The following ZFHX3 variants were observed in gnomAD, a reference collection of about 807,000 sequenced individuals.
The protein encoded by ZFHX3 is zinc finger homeobox 3.
In ZFHX3, 42 loss-of-function variants were observed where a neutral mutation model predicts 279.1. The observed-to-expected ratio is 0.15, with a 90% CI of 0.12 to 0.19. The LOEUF is 0.19. ZFHX3 is among the 10% of genes least tolerant of loss of function. The pLI is 1.00. For missense variants in ZFHX3, 4,981 were observed against 4,754.0 expected, an observed-to-expected ratio of 1.05 and a Z score of -1.40; for synonymous variants, 2,293 against 1,957.8, an observed-to-expected ratio of 1.17 and a Z score of -4.52.
intron 4 of ZFHX3, among the ~76,000 whole-genome samples, chr16:73,266,672 A>C (rs948838649): frequency 5.3e-5 from 8 of 152,166 alleles, no homozygotes; most frequent in African/African-American, 9.7e-5. Context: ...ATGTCATAGG[A>C]GGGAACTGGT....
intron 5 of ZFHX3, among the ~76,000 whole-genome samples, chr16:73,185,884 C>A (rs540256267): frequency 1.3e-5 from 2 of 152,254 alleles, no homozygotes; most frequent in African/African-American, 2.4e-5. Flanking sequence ...GTGGTGCGCA[C>A]GCAAGTGAAG....
intron 7 of ZFHX3, among the ~76,000 whole-genome samples, chr16:73,115,771 G>A (rs1966425033): frequency 6.6e-6 from 1 of 152,164 alleles, no homozygotes; most frequent in African/African-American, 2.4e-5. Context: ...ACTTGTTCAA[G>A]TTCACATTGT....
chr16:72,901,209 G>A (rs889543335), intron 3 of ZFHX3, among the ~76,000 whole-genome samples: 1 of 152,156 alleles, frequency 6.6e-6, no homozygotes, highest in Non-Finnish European at 1.5e-5. Context: ...CCCTTGCTCT[G>A]CAGCCCGCTG....
At chr16:73,585,280 G>A (rs1278237899) in intron 2 of ZFHX3, among the ~76,000 whole-genome samples, 1 of 152,230 alleles carries the variant, frequency 6.6e-6, no homozygotes, top group Non-Finnish European at 1.5e-5. Context: ...TCTGGGTGTG[G>A]TGGCGGGTGC....
Position 72,959,867 on chromosome 16 carries a change from G to C in ZFHX3, c.279C>G (p.Thr93=). Residue 93 remains threonine (T), a synonymous_variant, in exon 2 of 10, where the codon ACC becomes ACG. Transcript: ENST00000268489. ...CGCTGGGGCAGTGGTGCTCCATGTA[G>C]GTCTGGAGGCTGGCAAAGGAGGCCG... The part of the protein sequence containing the change: ...ECSASFASLQ[T]YMEHHCPSAR... 2 of 1,603,808 alleles carry C rather than the reference G, an allele frequency of 1.2e-6. No individual in the cohort carries two copies. The highest frequency in any genetic ancestry group is 1.7e-6 in the Non-Finnish European group (2 of 1,174,086).
chr16:73,124,789 G>A (rs1008206458), intron 7 of ZFHX3, among the ~76,000 whole-genome samples: 9 of 152,206 alleles, frequency 5.9e-5, no homozygotes, highest in East Asian at 1.9e-4. Flanking sequence ...GCATGGTGAC[G>A]AGAAGCTGGG....
chr16:73,266,792 A>G (rs1448929049), intron 4 of ZFHX3, among the ~76,000 whole-genome samples: 1 of 152,196 alleles, frequency 6.6e-6, no homozygotes, highest in Admixed American at 6.5e-5. Flanking sequence ...TTCCTTGCCC[A>G]TGCTCTCTTG....
rs751386892 is a variant in ZFHX3, at chr16:72,787,721, C to T, written c.10555G>A (p.Gly3519Ser). 1.2e-5 allele frequency: 16 copies of T among 1,283,806 alleles called. 1 individual carries two copies. The South Asian group carries it at 1.6e-4, about 13-fold the overall frequency. 79.5% of individuals were successfully genotyped at this position (1,283,806 alleles called of 1,614,324 possible). The part of the protein sequence containing the change: ...GGGGSGGGGG[G>S]GGGGGGGGSY... ...CCGCCGCCGCCGCCGCCGCCGCCACCGCCGCCGCCGCCGCCACTGCCACCG... is the reference window on the plus strand; with the variant it reads ...CCGCCGCCGCCGCCGCCGCCGCCACTGCCGCCGCCGCCGCCACTGCCACCG... Residue 3519 changes from glycine (G) to serine (S), a missense_variant, in exon 10 of 10, where the codon GGT becomes AGT. Transcript: ENST00000268489.
At position 72,993,811 on chromosome 16, in the gene ZFHX3, C is replaced by T. The variant is rs753326699; in HGVS notation, c.-49-33617G>A. 2.0e-5 allele frequency among the ~76,000 whole-genome samples: 3 copies of T among 152,258 alleles called. No individual in the cohort carries two copies. The South Asian group carries it at 6.2e-4, about 32-fold the overall frequency. ...CACGTGGACCAGACTTTCTGCCAAC[C>T]TGAATTACACCCTAGACGTCTTCAA... On this transcript the variant is annotated intron_variant, in intron 1 of 9. Coordinates refer to ENST00000268489, the MANE Select transcript of ZFHX3 (RefSeq NM_006885.4).
At chr16:73,372,348 G>A (rs753053759) in intron 3 of ZFHX3, among the ~76,000 whole-genome samples, 8 of 152,038 alleles carry the variant, frequency 5.3e-5, no homozygotes, top group East Asian at 1.9e-4. Flanking sequence ...AAATATCTGC[G>A]CTCTGCTTAT....
chr16:73,492,192 C>A (rs1028257926), intron 2 of ZFHX3, among the ~76,000 whole-genome samples: 2 of 152,188 alleles, frequency 1.3e-5, no homozygotes, highest in Non-Finnish European at 2.9e-5. Context: ...CTCTTTCCCA[C>A]CTTCTTTAGT....
At chr16:73,174,128 T>C (rs1967604317) in intron 5 of ZFHX3, among the ~76,000 whole-genome samples, 1 of 152,178 alleles carries the variant, frequency 6.6e-6, no homozygotes, top group South Asian at 2.1e-4. Context: ...GCCACCTTTT[T>C]TTCCTTAACT....
At chr16:73,433,055 C>A (rs1036166529) in intron 3 of ZFHX3, among the ~76,000 whole-genome samples, 2 of 152,188 alleles carry the variant, frequency 1.3e-5, no homozygotes, top group African/African-American at 4.8e-5. Flanking sequence ...TCCTAAGAGC[C>A]CTGCTGTGTC....
intron 1 of ZFHX3, among the ~76,000 whole-genome samples, chr16:73,699,081 C>T (rs551165615): frequency 1.4e-3 from 220 of 152,252 alleles, no homozygotes; most frequent in Non-Finnish European, 2.7e-3. Flanking sequence ...GACAAGGTTT[C>T]ACCACGTTGA....
upstream of ZFHX3, among the ~76,000 whole-genome samples, chr16:73,064,201 G>A (rs915660394): frequency 6.6e-6 from 1 of 152,000 alleles, no homozygotes; most frequent in Non-Finnish European, 1.5e-5. Flanking sequence ...TGGGGGGTGC[G>A]GTGAGAAGAT....
chr16:72,918,421 A>T (rs1374357171), intron 3 of ZFHX3, among the ~76,000 whole-genome samples: 1 of 152,232 alleles, frequency 6.6e-6, no homozygotes, highest in Non-Finnish European at 1.5e-5. Flanking sequence ...GATGGAAAAA[A>T]TAGTGACATT....
chr16:73,017,625 T>C (rs1409542212), intron 1 of ZFHX3, among the ~76,000 whole-genome samples: 2 of 152,136 alleles, frequency 1.3e-5, no homozygotes, highest in Non-Finnish European at 1.5e-5. Context: ...ACCTATCAGC[T>C]GACTTCTCCA....
At chr16:73,354,698 C>CGA (rs1310067803) in intron 3 of ZFHX3, among the ~76,000 whole-genome samples, 1 of 151,904 alleles carries the variant, frequency 6.6e-6, no homozygotes, top group Non-Finnish European at 1.5e-5. Flanking sequence ...GAGACAGCGA[C>CGA]CTCATCCACC....
At chr16:73,596,256 T>A (rs2052049044) in intron 2 of ZFHX3, among the ~76,000 whole-genome samples, 1 of 152,056 alleles carries the variant, frequency 6.6e-6, no homozygotes, top group Non-Finnish European at 1.5e-5. Flanking sequence ...ATCTCCTGAC[T>A]TCGTGATCCA....
Sources: allele counts gnomAD v4.1 joint callset (sites outside exome capture counted in the v4.1 genomes callset), GRCh38; gene constraint gnomAD v4.1.1; transcripts MANE v1.5; gene names NCBI Gene and HGNC (gene_info 2026-07-23, HGNC 2026-07-21).